The following CIT variants were observed in gnomAD, a reference collection of about 807,000 sequenced individuals.
The protein encoded by CIT is citron Rho-interacting kinase.
In CIT, 79 loss-of-function variants were observed where a neutral mutation model predicts 272.7. The ratio of observed to expected loss-of-function variants is 0.29; its 90% CI spans 0.24 to 0.35. The LOEUF is 0.35. Ranked by LOEUF, CIT falls within the 10% of genes least tolerant of loss-of-function variation. The probability of loss-of-function intolerance (pLI) is 1.00; values close to 1 mark genes in which losing one functional copy is unlikely to be tolerated. For synonymous variants in CIT, 948 were observed against 995.6 expected, an observed-to-expected ratio of 0.95 and a Z score of 0.90; for missense variants, 1,909 against 2,618.3, an observed-to-expected ratio of 0.73 and a Z score of 5.91.
At position 119,813,096 on chromosome 12, in the gene CIT, T is replaced by C. The variant is rs1966871108; in HGVS notation, c.1112-9707A>G. 3.9e-5 allele frequency among the ~76,000 whole-genome samples: 6 copies of C among 152,196 alleles called. No individual in the cohort carries two copies. The South Asian group carries it at 1.2e-3, about 32-fold the overall frequency. On this transcript the variant is annotated intron_variant, in intron 9 of 47. Coordinates refer to ENST00000392521, the MANE Select transcript of CIT (RefSeq NM_001206999.2). ...GGAGGCCACCATTCTTCTCTGTTGG[T>C]AGGATGGGCAAATTTACCAGAGCCC... is the stretch of plus-strand genomic sequence containing the variant.
chr12:119,843,069 T>G (rs1195468874), intron 5 of CIT, among the ~76,000 whole-genome samples: 1 of 152,008 alleles, frequency 6.6e-6, no homozygotes, highest in Admixed American at 6.6e-5. Context: ...CTGGAAGAAG[T>G]GAAATCTGAT....
intron 24 of CIT, among the ~76,000 whole-genome samples, chr12:119,741,600 T>C (rs1319847125): frequency 6.6e-6 from 1 of 152,138 alleles, no homozygotes. Context: ...AAATAAAATA[T>C]GTATGTGTGT....
At chr12:119,691,319 C>T (rs1400186915) in intron 46 of CIT, among the ~76,000 whole-genome samples, 2 of 152,102 alleles carry the variant, frequency 1.3e-5, no homozygotes, top group Non-Finnish European at 2.9e-5. Flanking sequence ...GTCAGGGACC[C>T]ACAAAGGCCC....
chr12:119,784,854 C>G lies in CIT; in HGVS notation c.1401+106G>C. On this transcript the variant is annotated intron_variant, in intron 11 of 47. Coordinates refer to ENST00000392521, the MANE Select transcript of CIT (RefSeq NM_001206999.2). This position sits in a 1 kb window ranked among gnomAD's most constrained non-coding sequence, Gnocchi z 4.7. The stretch of plus-strand genomic sequence containing the variant: ...GAAGGCAGGAGCGCCTCACTCTCTA[C>G]GGATCAGGCGGCTCAGAGCCAGCAG... 2 of 1,504,482 alleles carry G rather than the reference C, an allele frequency of 1.3e-6. No individual in the cohort carries two copies. Among genetic ancestry groups the G allele is most frequent in the Non-Finnish European group, 1.8e-6 (2 of 1,127,198 alleles). 93.2% of individuals were successfully genotyped at this position (1,504,482 alleles called of 1,614,324 possible). A position where few individuals can be genotyped will look rare whatever the true frequency, so the allele number is the denominator to read the frequency against.
chr12:119,702,218 C>T (rs1239152796), intron 41 of CIT, among the ~76,000 whole-genome samples: 1 of 152,068 alleles, frequency 6.6e-6, no homozygotes, highest in Admixed American at 6.6e-5. Context: ...AATCCTCCCA[C>T]CTCAGCCTCC....
chr12:119,830,923 A>G (rs930492031), intron 7 of CIT, among the ~76,000 whole-genome samples: 2 of 152,196 alleles, frequency 1.3e-5, no homozygotes, highest in Non-Finnish European at 2.9e-5. Context: ...CTGGAATGCA[A>G]TGGTGCAAAC....
chr12:119,722,987 C>T (rs187845413), intron 28 of CIT, among the ~76,000 whole-genome samples: 1 of 151,972 alleles, frequency 6.6e-6, no homozygotes, highest in African/African-American at 2.4e-5. Flanking sequence ...CCCATGAGTT[C>T]GAAGTGGCAA....
In CIT at chr12:119,800,470, A is replaced by C. The variant is rs77988904; in HGVS notation, c.1295+2736T>G. Among the ~76,000 whole-genome samples the C allele has an allele frequency of 4.1e-3, 622 of 152,326 alleles. 3 individuals carry two copies. The highest frequency in any genetic ancestry group is 0.014 in the African/African-American group (598 of 41,564). On this transcript the variant is annotated intron_variant, in intron 10 of 47. Coordinates refer to ENST00000392521, the MANE Select transcript of CIT (RefSeq NM_001206999.2). ...AAAATAAGGATCCCAAAAAACGAGGAGCTATCACAGAATTTAAATCATTCT... is the reference window on the plus strand; with the variant it reads ...AAAATAAGGATCCCAAAAAACGAGGCGCTATCACAGAATTTAAATCATTCT...
chr12:119,705,039 A>G (rs1043768361), intron 40 of CIT, among the ~76,000 whole-genome samples: 1 of 152,112 alleles, frequency 6.6e-6, no homozygotes, highest in African/African-American at 2.4e-5. Context: ...CAGCCTCCCA[A>G]GTAGCTGGGA....
intron 41 of CIT, among the ~76,000 whole-genome samples, chr12:119,703,375 T>C (rs1201092440): frequency 6.6e-6 from 1 of 151,810 alleles, no homozygotes; most frequent in Non-Finnish European, 1.5e-5. Flanking sequence ...TGGAACAGTT[T>C]CTCTAACAGG....
intron 46 of CIT, among the ~76,000 whole-genome samples, chr12:119,692,725 T>C (rs1956023290): frequency 6.6e-6 from 1 of 152,206 alleles, no homozygotes; most frequent in Admixed American, 6.5e-5. Flanking sequence ...TCCTCTACAA[T>C]ATAACAGAGA....
At chr12:119,841,809 G>C (rs768056393) in intron 5 of CIT, among the ~76,000 whole-genome samples, 6 of 152,302 alleles carry the variant, frequency 3.9e-5, no homozygotes, top group Admixed American at 2.6e-4. Flanking sequence ...CCTAAGGAAG[G>C]GGGGAGTCAC....
intron 22 of CIT, among the ~76,000 whole-genome samples, chr12:119,753,589 T>G (rs1960539909): frequency 6.6e-6 from 1 of 151,792 alleles, no homozygotes; most frequent in Non-Finnish European, 1.5e-5. Context: ...AACAAAAAAT[T>G]AGCTGGGTGT....
At chr12:119,803,540 C>G (rs1966391187) in intron 9 of CIT, 151 bp from the exon 10 acceptor site, 2 of 532,308 alleles carry the variant, frequency 3.8e-6, no homozygotes, top group Non-Finnish European at 6.6e-6. Context: ...TCGGCTCCTA[C>G]AGCAACAAGA....
At chr12:119,748,107 G>A (rs1209336346) in intron 23 of CIT, among the ~76,000 whole-genome samples, 1 of 152,096 alleles carries the variant, frequency 6.6e-6, no homozygotes, top group African/African-American at 2.4e-5. Flanking sequence ...CAAGGCTGCA[G>A]TGTGCTGACA....
At chr12:119,711,748 T>C (rs1476879981) in intron 37 of CIT, among the ~76,000 whole-genome samples, 1 of 152,186 alleles carries the variant, frequency 6.6e-6, no homozygotes. Context: ...CTCAAACTCC[T>C]GGGCAATCCG....
At chr12:119,774,558 A>G (rs930465140) in intron 16 of CIT, among the ~76,000 whole-genome samples, 9 of 150,624 alleles carry the variant, frequency 6.0e-5, no homozygotes, top group Non-Finnish European at 8.9e-5. Flanking sequence ...CACAATGTAT[A>G]TGTGTGTGTG....
intron 26 of CIT, among the ~76,000 whole-genome samples, chr12:119,731,547 A>C (rs1282242884): frequency 1.3e-5 from 2 of 151,612 alleles, no homozygotes; most frequent in Non-Finnish European, 2.9e-5. Flanking sequence ...ATAATGCTAA[A>C]GAATAGAAAA....
chr12:119,751,682 GATT>G (rs758511444), intron 23 of CIT, among the ~76,000 whole-genome samples: 3 of 148,390 alleles, frequency 2.0e-5, no homozygotes, highest in East Asian at 3.9e-4. Context: ...ACTACTATAA[GATT>G]ATTATTATTA....
Sources: allele counts gnomAD v4.1 joint callset (sites outside exome capture counted in the v4.1 genomes callset), GRCh38; gene constraint gnomAD v4.1.1; non-coding constraint Gnocchi (gnomAD v3.1); transcripts MANE v1.5; gene names NCBI Gene and HGNC (gene_info 2026-07-23, HGNC 2026-07-21).